The following LSAMP variants were observed in gnomAD, a reference collection of about 807,000 sequenced individuals.
The protein encoded by LSAMP is limbic system associated membrane protein.
LSAMP carries 7 observed loss-of-function variants against 38.6 expected under a neutral mutation model. The observed-to-expected ratio is 0.18, with a 90% CI of 0.10 to 0.34. The LOEUF is 0.34. Among genes scored for constraint, LSAMP ranks in the 10% least tolerant of loss-of-function variants. LSAMP has a pLI of 1.00. For synonymous variants in LSAMP, 154 were observed against 166.8 expected, an observed-to-expected ratio of 0.92 and a Z score of 0.59; for missense variants, 313 against 420.0, an observed-to-expected ratio of 0.75 and a Z score of 2.23.
chr3:116,224,904 C>T (rs1333399953), intron 1 of LSAMP, among the ~76,000 whole-genome samples: 2 of 152,192 alleles, frequency 1.3e-5, no homozygotes, highest in Non-Finnish European at 2.9e-5. Context: ...TTGCCTATAG[C>T]AAGTACTTAG....
chr3:116,274,828 G>C (rs757366321), intron 1 of LSAMP, among the ~76,000 whole-genome samples: 1 of 151,824 alleles, frequency 6.6e-6, no homozygotes, highest in Non-Finnish European at 1.5e-5. Flanking sequence ...TAGGCACGCT[G>C]TAGTCTTTTT....
intron 3 of LSAMP, 120 bp from the exon 4 acceptor site, chr3:115,852,737 TTGTC>T: frequency 2.0e-6 from 2 of 994,960 alleles, no homozygotes; most frequent in South Asian, 4.1e-5. Context: ...AAAATGTACT[TTGTC>T]TGACATCAGA....
intron 1 of LSAMP, among the ~76,000 whole-genome samples, chr3:116,394,061 A>G (rs2048737621): frequency 6.6e-6 from 1 of 152,156 alleles, no homozygotes; most frequent in Non-Finnish European, 1.5e-5. Flanking sequence ...CATATATCTA[A>G]GGCACCTGTT....
intron 1 of LSAMP, among the ~76,000 whole-genome samples, chr3:116,250,145 G>T (rs1473284949): frequency 6.6e-6 from 1 of 152,138 alleles, no homozygotes. Flanking sequence ...CATATTCAAT[G>T]AAGTAAATAG....
At chr3:116,425,663 GTT>G (rs2049185385) in intron 1 of LSAMP, among the ~76,000 whole-genome samples, 1 of 152,002 alleles carries the variant, frequency 6.6e-6, no homozygotes, top group Non-Finnish European at 1.5e-5. Flanking sequence ...TTAAAATCTG[GTT>G]GAAGATACAG....
intron 3 of LSAMP, among the ~76,000 whole-genome samples, chr3:115,868,473 C>T (rs1935923474): frequency 6.6e-6 from 1 of 152,054 alleles, no homozygotes; most frequent in African/African-American, 2.4e-5. Context: ...TGGAAGAAAA[C>T]AGAGGTATGT....
chr3:115,958,380 T>C (rs1181560940), intron 3 of LSAMP, among the ~76,000 whole-genome samples: 2 of 152,198 alleles, frequency 1.3e-5, no homozygotes, highest in Non-Finnish European at 2.9e-5. Context: ...TATTTAAGGC[T>C]CTTTGACAGC....
chr3:116,153,729 T>C lies in LSAMP; in HGVS notation c.156-67173A>G, dbSNP rs903848214. Among the ~76,000 whole-genome samples, 4 of 152,236 alleles carry C rather than the reference T, an allele frequency of 2.6e-5. No individual in the cohort carries two copies. In the East Asian group the frequency reaches 5.8e-4, roughly 22 times the overall value. On this transcript the variant is annotated intron_variant, in intron 1 of 6. Coordinates refer to ENST00000490035, the MANE Select transcript of LSAMP (RefSeq NM_002338.5). ...AAAATTAAAACATAGTTTTAACTCT[T>C]TGGCTTTCACTTAAGCTTAAATTAC... is the stretch of plus-strand genomic sequence containing the variant.
rs866169397 is a variant in LSAMP at position 116,296,567 on chromosome 3, C to A, written c.155+148310G>T. ...GCATGGTGGTGGGTGCCGTGGCGGG[C>A]GCCCGTAGTCCCAGCTACTCGGGAG... is the stretch of plus-strand genomic sequence containing the variant. On this transcript the variant is annotated intron_variant, in intron 1 of 6. Coordinates refer to ENST00000490035, the MANE Select transcript of LSAMP (RefSeq NM_002338.5). 2.0e-5 allele frequency among the ~76,000 whole-genome samples: 3 copies of A among 151,748 alleles called. No homozygotes were observed. The South Asian group carries it at 6.2e-4, about 31-fold the overall frequency.
intron 3 of LSAMP, among the ~76,000 whole-genome samples, chr3:115,963,753 G>T (rs1300456995): frequency 6.6e-6 from 1 of 151,976 alleles, no homozygotes; most frequent in South Asian, 2.1e-4. Context: ...CTTTAATGTT[G>T]GTTTATTTAT....
intron 2 of LSAMP, among the ~76,000 whole-genome samples, chr3:116,026,280 C>T (rs1463147089): frequency 6.6e-6 from 1 of 152,110 alleles, no homozygotes; most frequent in Non-Finnish European, 1.5e-5. Context: ...CTTTATCCAC[C>T]CTCTACCAGA....
intron 6 of LSAMP, among the ~76,000 whole-genome samples, chr3:115,834,934 G>A (rs373913884): frequency 8.6e-5 from 13 of 151,958 alleles, no homozygotes; most frequent in Admixed American, 2.6e-4. Context: ...ATTTATAATC[G>A]TGATCAAATT....
intron 6 of LSAMP, among the ~76,000 whole-genome samples, chr3:115,818,422 T>C (rs928847750): frequency 2.6e-5 from 4 of 152,136 alleles, no homozygotes; most frequent in Non-Finnish European, 5.9e-5. Context: ...CAAGCAATTG[T>C]TCAGAAATCC....
chr3:116,086,915 A>T (rs112928130), intron 1 of LSAMP, among the ~76,000 whole-genome samples: 275 of 152,344 alleles, frequency 1.8e-3, no homozygotes, highest in African/African-American at 6.1e-3. Context: ...AATTGATATC[A>T]TAGCACTTTT....
chr3:115,915,693 C>T (rs948855103), intron 3 of LSAMP, among the ~76,000 whole-genome samples: 2 of 151,522 alleles, frequency 1.3e-5, no homozygotes, highest in African/African-American at 2.4e-5. Context: ...AGTGCAGTGG[C>T]GCAATCTCGG....
chr3:115,920,887 T>C (rs1336805959), intron 3 of LSAMP, among the ~76,000 whole-genome samples: 1 of 141,276 alleles, frequency 7.1e-6, no homozygotes, highest in Non-Finnish European at 1.5e-5. Flanking sequence ...GTTGGGTGCA[T>C]ATATATATAT....
chr3:115,974,774 G>A (rs1939131547), intron 3 of LSAMP, among the ~76,000 whole-genome samples: 1 of 152,048 alleles, frequency 6.6e-6, no homozygotes, highest in South Asian at 2.1e-4. Context: ...TTAACAGTGT[G>A]GAGTTTTTTG....
At chr3:115,978,077 T>C (rs1336109364) in intron 3 of LSAMP, among the ~76,000 whole-genome samples, 2 of 152,062 alleles carry the variant, frequency 1.3e-5, no homozygotes, top group Non-Finnish European at 2.9e-5. Context: ...GGTGCAGTCA[T>C]GGCACACTGC....
chr3:116,283,067 G>A (rs919056215), intron 1 of LSAMP, among the ~76,000 whole-genome samples: 1 of 152,004 alleles, frequency 6.6e-6, no homozygotes, highest in Non-Finnish European at 1.5e-5. Flanking sequence ...ATGACAGGAG[G>A]GTAGTACTAG....
Sources: gnomAD v4.1 joint callset for allele counts (sites outside exome capture counted in the v4.1 genomes callset) on GRCh38, gnomAD v4.1.1 for gene constraint, MANE v1.5 for transcripts, NCBI Gene and HGNC (gene_info 2026-07-23, HGNC 2026-07-21) for gene names.